THSD7B: variants seen among roughly 807,000 people sequenced by gnomAD.
THSD7B encodes thrombospondin type 1 domain containing 7B.
In THSD7B, 138 loss-of-function variants were observed where a neutral mutation model predicts 213.6. The observed-to-expected ratio is 0.65, with a 90% CI of 0.56 to 0.74. The LOEUF (loss-of-function observed/expected upper bound fraction) is 0.74, where lower values mean the gene tolerates loss of function less well. Ranked by LOEUF, THSD7B falls within the 30% of genes least tolerant of loss-of-function variation. THSD7B has a pLI of 0.00. For synonymous variants in THSD7B, 742 were observed against 687.0 expected (o/e 1.08, Z -1.25); for missense variants, 1,931 against 1,991.5 (o/e 0.97, Z 0.58).
At chr2:136,881,145 AT>A (rs1268115990) in intron 1 of THSD7B, among the ~76,000 whole-genome samples, 1 of 152,078 alleles carries the variant, frequency 6.6e-6, no homozygotes, top group African/African-American at 2.4e-5. Context: ...CTTCTCAAAT[AT>A]TATCTTGTGT....
chr2:137,618,278 T>C, intron 18 of THSD7B, 114 bp from the exon 19 acceptor site: 2 of 786,910 alleles, frequency 2.5e-6, no homozygotes, highest in Non-Finnish European at 4.0e-6. Flanking sequence ...CTGGAAATGA[T>C]TTTAGGATTA....
intron 2 of THSD7B, among the ~76,000 whole-genome samples, chr2:137,007,582 T>C (rs1686142153): frequency 6.6e-6 from 1 of 152,146 alleles, no homozygotes; most frequent in Non-Finnish European, 1.5e-5. Context: ...GAGTGATAAA[T>C]GAAGTTTCTG....
chr2:137,411,964 A>T (rs550368480), intron 14 of THSD7B, 92 bp downstream of exon 14: 1 of 1,415,276 alleles, frequency 7.1e-7, no homozygotes, highest in South Asian at 1.4e-5. Flanking sequence ...TCTGCTCTAT[A>T]ATAATTGTTT....
intron 2 of THSD7B, among the ~76,000 whole-genome samples, chr2:136,898,142 T>TG (rs773652904): frequency 8.5e-5 from 13 of 152,220 alleles, no homozygotes; most frequent in Non-Finnish European, 1.8e-4. Context: ...GAAATCTAGC[T>TG]GGCTTCACCT....
chr2:137,575,177 AT>A (rs544955514), intron 17 of THSD7B, among the ~76,000 whole-genome samples: 17 of 152,112 alleles, frequency 1.1e-4, no homozygotes, highest in Admixed American at 2.0e-4. Context: ...AATAATAGCT[AT>A]TTTTTTCAGA....
intron 12 of THSD7B, among the ~76,000 whole-genome samples, chr2:137,363,052 C>G (rs539842132): frequency 1.3e-5 from 2 of 152,146 alleles, no homozygotes. Flanking sequence ...GACCACAGTG[C>G]AATCAAATTA....
chr2:136,959,415 T>G (rs1405169870), intron 2 of THSD7B, among the ~76,000 whole-genome samples: 1 of 152,220 alleles, frequency 6.6e-6, no homozygotes, highest in East Asian at 1.9e-4. Flanking sequence ...CTTCCTAGTT[T>G]TTCTTGTCAT....
At chr2:136,851,970 GC>G (rs2104964169) in intron 1 of THSD7B, among the ~76,000 whole-genome samples, 1 of 151,210 alleles carries the variant, frequency 6.6e-6, no homozygotes, top group South Asian at 2.1e-4. Flanking sequence ...CAGAATAAGG[GC>G]CCCAAAAAGA....
intron 18 of THSD7B, among the ~76,000 whole-genome samples, chr2:137,616,928 A>G (rs914146024): frequency 2.6e-5 from 4 of 152,196 alleles, no homozygotes; most frequent in Admixed American, 2.6e-4. Context: ...ACATTCCATA[A>G]TGCTACAAAA....
At chr2:137,425,151 C>A (rs1295214666) in intron 14 of THSD7B, among the ~76,000 whole-genome samples, 1 of 151,128 alleles carries the variant, frequency 6.6e-6, no homozygotes, top group East Asian at 1.9e-4. Flanking sequence ...TATTCTATAA[C>A]TGTTTACATA....
chr2:137,604,268 A>G (rs2104826326), intron 17 of THSD7B, among the ~76,000 whole-genome samples: 1 of 152,260 alleles, frequency 6.6e-6, no homozygotes, highest in Non-Finnish European at 1.5e-5. Flanking sequence ...AAAATATAAC[A>G]TTTAATTTTT....
Position 137,056,781 on chromosome 2 carries a change from T to A in THSD7B, c.501T>A (p.Pro167=), listed in dbSNP as rs1687173197. Residue 167 remains proline, a synonymous_variant, in exon 3 of 28, where the codon CCT becomes CCA. Transcript: ENST00000409968. The part of the protein sequence containing the change: ...EICEHFALQP[P]TEQACLIPCP... ...GCGAACACTTTGCCCTTCAGCCTCC[T>A]ACAGAACAGGCTTGCCTCATTCCTT... The A allele has an allele frequency of 6.2e-7, 1 of 1,613,880 alleles. No homozygotes were observed. The highest frequency in any genetic ancestry group is 1.7e-5 in the Admixed American group (1 of 60,002).
chr2:137,042,215 A>G lies in THSD7B; in HGVS notation c.140-14205A>G, dbSNP rs570225224. On this transcript the variant is annotated intron_variant, in intron 2 of 27. Coordinates refer to ENST00000409968, the MANE Select transcript of THSD7B (RefSeq NM_001316349.2). ...TATGTGTTCACATCCTGTAAAGGAC[A>G]TAAGTGCTAGGCTTTGGATGGGAAA... 3.2e-4 allele frequency among the ~76,000 whole-genome samples: 48 copies of G among 152,360 alleles called. 1 individual carries two copies. The highest frequency in any genetic ancestry group is 6.8e-3 in the Middle Eastern group (2 of 294).
At chr2:137,636,425 A>G (rs1383850620) in intron 20 of THSD7B, among the ~76,000 whole-genome samples, 2 of 152,258 alleles carry the variant, frequency 1.3e-5, no homozygotes, top group African/African-American at 4.8e-5. Flanking sequence ...TCTTACAGCT[A>G]TCATAAAATT....
At chr2:137,176,513 T>A (rs963896351) in intron 7 of THSD7B, among the ~76,000 whole-genome samples, 1 of 152,164 alleles carries the variant, frequency 6.6e-6, no homozygotes, top group African/African-American at 2.4e-5. Context: ...GGACATGCAT[T>A]TGTATTAGCA....
intron 1 of THSD7B, among the ~76,000 whole-genome samples, chr2:136,803,521 A>G (rs1459814160): frequency 1.3e-5 from 2 of 152,190 alleles, no homozygotes; most frequent in Non-Finnish European, 2.9e-5. Flanking sequence ...GTTTTGTAGA[A>G]TATGCAGAGA....
At chr2:137,057,301 T>C in intron 3 of THSD7B, 71 bp downstream of exon 3, 1 of 1,365,274 alleles carries the variant, frequency 7.3e-7, no homozygotes, top group Non-Finnish European at 9.8e-7. Context: ...AAAGCTTCTT[T>C]ATGATTTTCT....
intron 14 of THSD7B, among the ~76,000 whole-genome samples, chr2:137,445,275 G>A (rs1687514014): frequency 6.6e-6 from 1 of 151,930 alleles, no homozygotes; most frequent in Non-Finnish European, 1.5e-5. Flanking sequence ...CCAAAAGAAA[G>A]GGAATCAATA....
At chr2:136,863,835 C>T (rs1315327021) in intron 1 of THSD7B, among the ~76,000 whole-genome samples, 1 of 152,118 alleles carries the variant, frequency 6.6e-6, no homozygotes, top group Non-Finnish European at 1.5e-5. Flanking sequence ...AGGGACAAAT[C>T]ATTTACGTTT....
Sources: gnomAD v4.1 joint callset for allele counts (sites outside exome capture counted in the v4.1 genomes callset) on GRCh38, gnomAD v4.1.1 for gene constraint, MANE v1.5 for transcripts, NCBI Gene and HGNC (gene_info 2026-07-23, HGNC 2026-07-21) for gene names.